The following KMT2C variants were observed in gnomAD, a reference collection of about 807,000 sequenced individuals.
The protein encoded by KMT2C is histone-lysine N-methyltransferase 2C.
In KMT2C, 88 loss-of-function variants were observed where a neutral mutation model predicts 507.9. The observed-to-expected ratio is 0.17, with a 90% CI of 0.15 to 0.21. The LOEUF (loss-of-function observed/expected upper bound fraction) is 0.21. Ranked by LOEUF, KMT2C falls within the 10% of genes least tolerant of loss-of-function variation. The pLI is 1.00. For synonymous variants in KMT2C, 2,049 were observed against 2,080.8 expected (o/e 0.98, Z 0.42); for missense variants, 4,954 against 5,957.8 (o/e 0.83, Z 5.55).
rs1408605808 is a variant in KMT2C at position 152,181,273 on chromosome 7, T to C, written c.6587A>G (p.Asn2196Ser). Residue 2196 changes from asparagine (N) to serine (S), a missense_variant, in exon 36 of 59, where the codon AAT becomes AGT. Physicochemically the swap from Asn to Ser is conservative, Grantham distance 46. Transcript: ENST00000262189. ...QTDLFVTPVT[N>S]QRHSDPYAHP... ...AGCATATGGATCAGAATGCCTCTGA[T>C]TTGTTACAGGTGTAACAAACAAGTC... The C allele has an allele frequency of 1.2e-6, 2 of 1,614,048 alleles. No homozygotes were observed. The highest frequency in any genetic ancestry group is 3.3e-5 in the Admixed American group (2 of 60,014).
chr7:152,220,456 T>C, intron 23 of KMT2C, 67 bp downstream of exon 23: 1 of 1,246,414 alleles, frequency 8.0e-7, no homozygotes, highest in East Asian at 2.4e-5. Flanking sequence ...CATACACATA[T>C]TTCAAAAGTT....
At chr7:152,174,001 ATGACAACTTAAATAGTGTTGTTCATTCC>A (rs2093080855) in intron 39 of KMT2C, 102 bp downstream of exon 39, 2 of 525,278 alleles carry the variant, frequency 3.8e-6, no homozygotes, top group Non-Finnish European at 6.7e-6. Flanking sequence ...AGCTGATGCC[ATGACAACTTAAATAGTGTTGTTCATTCC>A]TAGACAAGGG....
Position 152,383,123 on chromosome 7 carries a change from C to G in KMT2C, c.162-24448G>C, listed in dbSNP as rs376648023. Among the ~76,000 whole-genome samples, 27 of 151,102 alleles carry G rather than the reference C, an allele frequency of 1.8e-4. No individual in the cohort carries two copies. In the East Asian group the frequency reaches 4.4e-3, roughly 24 times the overall value. ...CTACTTTTCTATATTTTCCACACATCTATATATAATTTGTGTGTGTGTGTG... is the reference window on the plus strand; with the variant it reads ...CTACTTTTCTATATTTTCCACACATGTATATATAATTTGTGTGTGTGTGTG... On this transcript the variant is annotated intron_variant, in intron 1 of 58. Coordinates refer to ENST00000262189, the MANE Select transcript of KMT2C (RefSeq NM_170606.3).
intron 31 of KMT2C, among the ~76,000 whole-genome samples, chr7:152,190,326 G>A (rs941843499): frequency 4.6e-5 from 7 of 152,048 alleles, no homozygotes; most frequent in East Asian, 1.9e-4. Context: ...GCCATCTACC[G>A]ATATTACAAT....
chr7:152,304,832 C>T (rs926868486), intron 6 of KMT2C, among the ~76,000 whole-genome samples: 5 of 152,162 alleles, frequency 3.3e-5, no homozygotes, highest in African/African-American at 1.2e-4. Flanking sequence ...GGAGGCACTG[C>T]ACCTAGCCAA....
At chr7:152,250,006 T>G in intron 12 of KMT2C, 53 bp from the exon 13 acceptor site, 3 of 1,040,210 alleles carry the variant, frequency 2.9e-6, no homozygotes, top group Non-Finnish European at 4.5e-6. Context: ...TCTGTAACAC[T>G]GTTCCCTCAA....
intron 2 of KMT2C, among the ~76,000 whole-genome samples, chr7:152,342,344 G>C (rs1400431578): frequency 6.6e-6 from 1 of 152,064 alleles, no homozygotes; most frequent in African/African-American, 2.4e-5. Flanking sequence ...TTATTTATGA[G>C]ACATATTTAT....
At chr7:152,387,610 A>G (rs1298857823) in intron 1 of KMT2C, among the ~76,000 whole-genome samples, 4 of 151,918 alleles carry the variant, frequency 2.6e-5, no homozygotes, top group African/African-American at 9.7e-5. Context: ...AGCTGGGACT[A>G]CAGGCGCCCA....
chr7:152,138,829 G>A lies in KMT2C; in HGVS notation c.14610C>T (p.Ile4870=), dbSNP rs2129089213. 6.2e-7 allele frequency: 1 copy of A among 1,611,008 alleles called. No individual in the cohort carries two copies. The highest frequency in any genetic ancestry group is 8.5e-7 in the Non-Finnish European group (1 of 1,178,848). Reference sequence around the variant, plus strand: ...CTTTCTGGATTCTCCGACTGGAGCTGATGATAATTTTGTGTCCTCTCTCAA... The same window carrying A: ...CTTTCTGGATTCTCCGACTGGAGCTAATGATAATTTTGTGTCCTCTCTCAA... ...VTFERGHKII[I]SSSRRIQKGE... The change falls in exon 58 of 59, where the codon ATC becomes ATT. Residue 4870 remains isoleucine (I), a synonymous_variant. Transcript: ENST00000262189. This position sits in a 1 kb window ranked among gnomAD's most constrained non-coding sequence, Gnocchi z 4.2.
rs6952380 is a variant in KMT2C at position 152,150,748 on chromosome 7, C to T, written c.12774+152G>A. ...GTAGCACGACTCAAGGCTCCCTACA[C>T]CCTCTCCTCCTCTGCCGGGTCAGCA... On this transcript the variant is annotated intron_variant, in intron 51 of 58. Coordinates refer to ENST00000262189, the MANE Select transcript of KMT2C (RefSeq NM_170606.3). 3.1e-3 allele frequency: 1,918 copies of T among 609,032 alleles called. 29 individuals carry two copies. The African/African-American group carries it at 0.034, about 11-fold the overall frequency. The allele number at this position is 609,032 out of a possible 1,614,324, so 37.7% of individuals were successfully genotyped here. A position where few individuals can be genotyped will look rare whatever the true frequency, so the allele number is the denominator to read the frequency against.
At chr7:152,294,602 A>C (rs938525006) in intron 6 of KMT2C, among the ~76,000 whole-genome samples, 1 of 151,982 alleles carries the variant, frequency 6.6e-6, no homozygotes, top group African/African-American at 2.4e-5. Flanking sequence ...ACTGCACTCC[A>C]GCATGAGCAA....
Position 152,410,655 on chromosome 7 carries a change from T to C in KMT2C, c.161+24971A>G, listed in dbSNP as rs574009306. 8.0e-3 allele frequency among the ~76,000 whole-genome samples: 1,179 copies of C among 148,108 alleles called. 11 individuals are homozygous for C. The highest frequency in any genetic ancestry group is 0.028 in the African/African-American group (1,145 of 40,800). On this transcript the variant is annotated intron_variant, in intron 1 of 58. Coordinates refer to ENST00000262189, the MANE Select transcript of KMT2C (RefSeq NM_170606.3). ...TATTATATATAATGTATAATTTTTA[T>C]ATATGAGATTATGTATATATGTATA...
chr7:152,330,177 G>C (rs1353309778), intron 3 of KMT2C, among the ~76,000 whole-genome samples: 44 of 128,114 alleles, frequency 3.4e-4, no homozygotes, highest in Non-Finnish European at 4.8e-4. Flanking sequence ...GGTGGGGGGG[G>C]GGAGAAAAAG....
chr7:152,147,096 A>G (rs1276308724), intron 52 of KMT2C, among the ~76,000 whole-genome samples: 1 of 152,228 alleles, frequency 6.6e-6, no homozygotes, highest in Non-Finnish European at 1.5e-5. Flanking sequence ...CTTTCCCCTC[A>G]GATTTAAATT....
At chr7:152,342,949 C>A (rs1176145979) in intron 2 of KMT2C, among the ~76,000 whole-genome samples, 1 of 152,104 alleles carries the variant, frequency 6.6e-6, no homozygotes. Flanking sequence ...TTCTGCCCCA[C>A]CTAAAAGCAG....
Position 152,176,701 on chromosome 7 carries a change from G to T in KMT2C, c.8752C>A (p.Leu2918Ile). ...TTCTCATTAGCAAGTAAACTTGAGA[G>T]AACTGGAGTTGATCCAGTTATGCCA... ...SCGITGSTPV[L>I]SSLLANEKSD... The change falls in exon 38 of 59, where the codon CTC becomes ATC. Residue 2918 changes from leucine to isoleucine, a missense_variant. By Grantham distance (5) the Leu-to-Ile change is conservative. Around this residue, in one of 29 missense-constraint regions of KMT2C, gnomAD observed 1,689 missense variants for 1,654.3 expected, o/e 1.02. Coordinates refer to ENST00000262189, the MANE Select transcript of KMT2C (RefSeq NM_170606.3). 1.2e-6 allele frequency: 2 copies of T among 1,614,228 alleles called. No homozygotes were observed. The highest frequency in any genetic ancestry group is 1.7e-6 in the Non-Finnish European group (2 of 1,180,052).
intron 3 of KMT2C, among the ~76,000 whole-genome samples, chr7:152,316,768 C>T (rs146699672): frequency 3.7e-3 from 559 of 151,704 alleles, no homozygotes; most frequent in South Asian, 7.3e-3. Flanking sequence ...ATTTCAAGTT[C>T]ATGAGAAACT....
chr7:152,157,094 T>C (rs12666531), intron 44 of KMT2C, among the ~76,000 whole-genome samples: 7,625 of 152,152 alleles, frequency 0.05, 323 homozygotes, highest in East Asian at 0.17. Context: ...TAGTTTTTTT[T>C]TTTTCTTTTT....
intron 40 of KMT2C, among the ~76,000 whole-genome samples, chr7:152,169,656 T>C (rs1487309035): frequency 6.6e-6 from 1 of 152,206 alleles, no homozygotes; most frequent in Non-Finnish European, 1.5e-5. Context: ...CTCCACAGCA[T>C]GGTTATTTAT....
Sources: gnomAD v4.1 joint callset for allele counts (sites outside exome capture counted in the v4.1 genomes callset) on GRCh38, gnomAD v4.1.1 for gene constraint, gnomAD v4.1.1 regional missense constraint, Gnocchi (gnomAD v3.1) non-coding constraint, MANE v1.5 for transcripts, NCBI Gene and HGNC (gene_info 2026-07-23, HGNC 2026-07-21) for gene names.